The following AOPEP variants were observed in gnomAD, a reference collection of about 807,000 sequenced individuals.
AOPEP encodes aminopeptidase O (putative).
A neutral mutation model predicts 98.1 loss-of-function variants in AOPEP; 77 were observed. The ratio of observed to expected loss-of-function variants is 0.78; its 90% CI spans 0.65 to 0.95. The LOEUF (loss-of-function observed/expected upper bound fraction) is 0.95, where lower values mean the gene tolerates loss of function less well. Among genes scored for constraint, AOPEP ranks in the 40% least tolerant of loss-of-function variants. AOPEP has a pLI of 0.00. For missense variants in AOPEP, 1,024 were observed against 1,024.7 expected, an observed-to-expected ratio of 1.00 and a Z score of 0.01; for synonymous variants, 346 against 365.3, an observed-to-expected ratio of 0.95 and a Z score of 0.60.
intron 5 of AOPEP, among the ~76,000 whole-genome samples, chr9:94,890,631 C>T (rs1027307358): frequency 4.6e-5 from 7 of 152,040 alleles, no homozygotes; most frequent in East Asian, 1.9e-4. Context: ...TCTATACATT[C>T]GCTTCTCCAC....
the AOPEP span, among the ~76,000 whole-genome samples, chr9:95,105,271 T>C: frequency 6.6e-6 from 1 of 152,174 alleles, no homozygotes; most frequent in Admixed American, 6.5e-5. Context: ...GGGGACTTTC[T>C]GTACATGGAC....
chr9:94,993,316 G>A (rs1218122281), intron 11 of AOPEP, among the ~76,000 whole-genome samples: 1 of 152,160 alleles, frequency 6.6e-6, no homozygotes, highest in Admixed American at 6.5e-5. Flanking sequence ...AAAGTCCAGT[G>A]AGTCCAGTTT....
At chr9:95,084,876 C>T (rs1303372347) in intron 16 of AOPEP, among the ~76,000 whole-genome samples, 1 of 152,184 alleles carries the variant, frequency 6.6e-6, no homozygotes, top group Non-Finnish European at 1.5e-5. Flanking sequence ...CAAAGCCTTC[C>T]CAGGGCAGCT....
At chr9:94,760,609 G>A in intron 2 of AOPEP, 29 bp downstream of exon 2, 2 of 1,509,400 alleles carry the variant, frequency 1.3e-6, no homozygotes, top group Non-Finnish European at 1.8e-6. Context: ...TCAAAGCCCT[G>A]TGCCTGTTAA....
intron 9 of AOPEP, among the ~76,000 whole-genome samples, chr9:94,960,940 A>G (rs1343428837): frequency 2.0e-5 from 3 of 149,912 alleles, no homozygotes; most frequent in African/African-American, 7.4e-5. Context: ...TGAACCCGGG[A>G]GGCGGAGCTT....
At chr9:94,851,613 T>C (rs1191825931) in intron 5 of AOPEP, among the ~76,000 whole-genome samples, 1 of 151,732 alleles carries the variant, frequency 6.6e-6, no homozygotes, top group African/African-American at 2.4e-5. Flanking sequence ...ATCTTTCTGT[T>C]GGCACTTACT....
the AOPEP span, chr9:95,106,999 A>T: frequency 6.6e-7 from 1 of 1,506,684 alleles, no homozygotes; most frequent in Non-Finnish European, 9.2e-7. Context: ...AGACCCTCGG[A>T]CAGGTAACCC....
the AOPEP span, among the ~76,000 whole-genome samples, chr9:95,094,822 T>A: frequency 6.6e-6 from 1 of 152,182 alleles, no homozygotes; most frequent in African/African-American, 2.4e-5. Flanking sequence ...TGCGCCACCA[T>A]GCCCAGCTAA....
At chr9:95,065,392 C>A (rs1017105015) in intron 14 of AOPEP, 1 of 152,268 alleles carries the variant, frequency 6.6e-6, no homozygotes, top group Non-Finnish European at 1.5e-5. Context: ...CGTAGGACAC[C>A]GAGGCTTATG....
At chr9:95,119,288 C>T in the AOPEP span, among the ~76,000 whole-genome samples, 1 of 151,984 alleles carries the variant, frequency 6.6e-6, no homozygotes, top group East Asian at 1.9e-4. Flanking sequence ...GACACAAGTC[C>T]TCTGTTGTAT....
chr9:94,903,506 C>T (rs1168658065), intron 5 of AOPEP, among the ~76,000 whole-genome samples: 3 of 151,732 alleles, frequency 2.0e-5, no homozygotes, highest in Non-Finnish European at 4.4e-5. Flanking sequence ...AAAAATATCA[C>T]CTGCCAGTGC....
At chr9:94,947,496 C>A (rs961893794) in intron 7 of AOPEP, among the ~76,000 whole-genome samples, 1 of 152,156 alleles carries the variant, frequency 6.6e-6, no homozygotes, top group Non-Finnish European at 1.5e-5. Context: ...TCTGCCTTGG[C>A]CTCCTGAAAT....
chr9:94,967,753 C>A lies in AOPEP; in HGVS notation c.1873-5C>A. ...TCTTTAATGATTTGCTTTTTTTAAT[C>A]CCAGGATTTCCTTCAAATGCTACTG... is the stretch of plus-strand genomic sequence containing the variant. On this transcript the variant is annotated splice_polypyrimidine_tract_variant and splice_region_variant and intron_variant, in intron 9 of 16. Coordinates refer to ENST00000375315, the MANE Select transcript of AOPEP (RefSeq NM_001193329.3). The A allele has an allele frequency of 6.2e-7, 1 of 1,611,830 alleles. No individual in the cohort carries two copies. The highest frequency in any genetic ancestry group is 1.7e-5 in the Admixed American group (1 of 59,980).
the AOPEP span, among the ~76,000 whole-genome samples, chr9:95,116,024 G>A: frequency 1.3e-5 from 2 of 152,216 alleles, no homozygotes; most frequent in African/African-American, 4.8e-5. Flanking sequence ...CTAGGAACTA[G>A]CACAAGAGGT....
intron 1 of AOPEP, among the ~76,000 whole-genome samples, chr9:94,730,351 A>G (rs1189933552): frequency 6.7e-6 from 1 of 148,212 alleles, no homozygotes; most frequent in Non-Finnish European, 1.5e-5. Flanking sequence ...AATTTTATAA[A>G]CAGATTAATA....
chr9:94,787,840 C>T (rs949430609), intron 3 of AOPEP, among the ~76,000 whole-genome samples: 2 of 152,056 alleles, frequency 1.3e-5, no homozygotes, highest in Admixed American at 1.3e-4. Context: ...ATTTTTCCTG[C>T]TTTTTAGAAG....
chr9:94,965,692 A>G (rs1261004038), intron 9 of AOPEP, among the ~76,000 whole-genome samples: 1 of 152,080 alleles, frequency 6.6e-6, no homozygotes, highest in African/African-American at 2.4e-5. Context: ...TCTGCAGTTA[A>G]ATGGGTGTCA....
intron 9 of AOPEP, among the ~76,000 whole-genome samples, chr9:94,957,679 C>G (rs2058559102): frequency 6.6e-6 from 1 of 152,146 alleles, no homozygotes; most frequent in Non-Finnish European, 1.5e-5. Flanking sequence ...TTCACCAAAC[C>G]CAGAAGAAAT....
At chr9:94,928,030 T>C (rs1238245009) in intron 6 of AOPEP, among the ~76,000 whole-genome samples, 1 of 152,164 alleles carries the variant, frequency 6.6e-6, no homozygotes, top group African/African-American at 2.4e-5. Flanking sequence ...AATTGAGGGC[T>C]GGGGAAAATC....
Sources: allele counts gnomAD v4.1 joint callset (sites outside exome capture counted in the v4.1 genomes callset), GRCh38; gene constraint gnomAD v4.1.1; transcripts MANE v1.5; gene names NCBI Gene and HGNC (gene_info 2026-07-23, HGNC 2026-07-21).